The following CNTN6 variants were observed in gnomAD, a reference collection of about 807,000 sequenced individuals.
CNTN6 encodes the protein contactin 6.
Under a neutral mutation model 122.8 loss-of-function variants are expected in CNTN6, and 137 were observed. The ratio of observed to expected loss-of-function variants is 1.12; its 90% CI spans 0.97 to 1.29. The LOEUF (loss-of-function observed/expected upper bound fraction) is 1.29, where lower values mean the gene tolerates loss of function less well. Among genes scored for constraint, CNTN6 ranks in the 50% most tolerant of loss-of-function variants. The pLI is 0.00. For synonymous variants in CNTN6, 570 were observed against 426.0 expected, an observed-to-expected ratio of 1.34 and a Z score of -4.16; for missense variants, 1,634 against 1,223.4, an observed-to-expected ratio of 1.34 and a Z score of -5.01.
chr3:1,390,164 A>C (rs1693892896), intron 20 of CNTN6, among the ~76,000 whole-genome samples: 1 of 151,856 alleles, frequency 6.6e-6, no homozygotes, highest in South Asian at 2.1e-4. Context: ...TTGGAAGTAA[A>C]GCTCTCCTCA....
At chr3:1,171,113 A>G (rs1320993143) in intron 2 of CNTN6, among the ~76,000 whole-genome samples, 1 of 152,196 alleles carries the variant, frequency 6.6e-6, no homozygotes, top group African/African-American at 2.4e-5. Context: ...TAAGACTCCA[A>G]CACTGGGAAA....
At chr3:1,338,974 A>G (rs1468695785) in intron 11 of CNTN6, among the ~76,000 whole-genome samples, 4 of 152,120 alleles carry the variant, frequency 2.6e-5, no homozygotes, top group African/African-American at 9.7e-5. Context: ...GTCTATGACA[A>G]TCCAGTAGAA....
chr3:1,378,017 T>G (rs1204522799), intron 17 of CNTN6, among the ~76,000 whole-genome samples: 2 of 152,120 alleles, frequency 1.3e-5, no homozygotes, highest in South Asian at 2.1e-4. Flanking sequence ...CAGACCCAAC[T>G]GGCTGCTGAA....
At position 1,176,309 on chromosome 3, in the gene CNTN6, C is replaced by T. The variant is rs568091203; in HGVS notation, c.55+28246C>T. Among the ~76,000 whole-genome samples the T allele has an allele frequency of 9.2e-5, 14 of 152,192 alleles. No homozygotes were observed. In the South Asian group the frequency reaches 2.5e-3, roughly 27 times the overall value. ...GTGAATGCCTGTAATCCCAGCTACT[C>T]GGGAGGCTGAGGCACGAGAATCACT... On this transcript the variant is annotated intron_variant, in intron 2 of 22. Coordinates refer to ENST00000446702, the MANE Select transcript of CNTN6 (RefSeq NM_001289080.2).
intron 7 of CNTN6, among the ~76,000 whole-genome samples, chr3:1,298,705 T>C (rs1266347760): frequency 2.6e-5 from 4 of 152,154 alleles, no homozygotes; most frequent in African/African-American, 9.6e-5. Flanking sequence ...CAAATGTTAA[T>C]ATGCATGTGA....
At chr3:1,100,577 A>C (rs540479417) in intron 1 of CNTN6, among the ~76,000 whole-genome samples, 2 of 152,210 alleles carry the variant, frequency 1.3e-5, no homozygotes, top group Admixed American at 1.3e-4. Flanking sequence ...ATATATTTCA[A>C]TCTTGCGTCT....
At chr3:1,166,538 A>C (rs950017560) in intron 2 of CNTN6, among the ~76,000 whole-genome samples, 7 of 152,198 alleles carry the variant, frequency 4.6e-5, no homozygotes, top group African/African-American at 1.7e-4. Flanking sequence ...AATTGTTTTA[A>C]AGGAATCAAA....
chr3:1,246,923 A>G (rs760216464), intron 4 of CNTN6, among the ~76,000 whole-genome samples: 3 of 152,072 alleles, frequency 2.0e-5, no homozygotes, highest in East Asian at 1.9e-4. Context: ...GAAGAGCACA[A>G]TGTTGCTTTT....
intron 6 of CNTN6, among the ~76,000 whole-genome samples, chr3:1,297,623 T>G (rs1696473241): frequency 6.8e-6 from 1 of 147,376 alleles, no homozygotes. Context: ...AACATCCCGT[T>G]GTTGTTGTTT....
Position 1,383,378 on chromosome 3 carries a change from T to C in CNTN6, c.2487T>C (p.Asn829=). The C allele has an allele frequency of 6.2e-7, 1 of 1,613,946 alleles. No homozygotes were observed. The highest frequency in any genetic ancestry group is 1.1e-5 in the South Asian group (1 of 91,080). ...MEVSWNAIAW[N]RNTGRVLGYE... ...TTTCATGGAATGCTATTGCCTGGAATAGAAACACTGGAAGAGTGCTGGGCT... is the reference window on the plus strand; with the variant it reads ...TTTCATGGAATGCTATTGCCTGGAACAGAAACACTGGAAGAGTGCTGGGCT... The change falls in exon 19 of 23, where the codon AAT becomes AAC. Residue 829 remains asparagine (N), a synonymous_variant. Coordinates refer to ENST00000446702, the MANE Select transcript of CNTN6 (RefSeq NM_001289080.2).
rs748861072 is a variant in CNTN6 at position 1,377,028 on chromosome 3, A to C, written c.2119A>C (p.Ile707Leu). The C allele has an allele frequency of 3.7e-6, 6 of 1,607,440 alleles. No individual in the cohort carries two copies. The highest frequency in any genetic ancestry group is 5.1e-6 in the Non-Finnish European group (6 of 1,176,614). ...AGTCCCTGTTGTGGCACCAGTAAACATCCATGGAGGTGGAGGAAGTCGGTC... is the reference window on the plus strand; with the variant it reads ...AGTCCCTGTTGTGGCACCAGTAAACCTCCATGGAGGTGGAGGAAGTCGGTC... ...ASVPVVAPVNIHGGGGSRSEL... is the reference protein window; with the variant it reads ...ASVPVVAPVNLHGGGGSRSEL... The change falls in exon 17 of 23, where the codon ATC becomes CTC. Residue 707 changes from isoleucine (I) to leucine (L), a missense_variant. Coordinates refer to ENST00000446702, the MANE Select transcript of CNTN6 (RefSeq NM_001289080.2).
intron 2 of CNTN6, among the ~76,000 whole-genome samples, chr3:1,209,298 T>A (rs1174898966): frequency 2.0e-5 from 3 of 152,224 alleles, no homozygotes; most frequent in Non-Finnish European, 4.4e-5. Context: ...ATAACCAGAA[T>A]GATTCCATTA....
intron 20 of CNTN6, among the ~76,000 whole-genome samples, chr3:1,388,650 A>G (rs1396996408): frequency 1.4e-5 from 2 of 146,436 alleles, no homozygotes; most frequent in East Asian, 4.1e-4. Flanking sequence ...AAGGCAAAGA[A>G]GTTGAAAACT....
chr3:1,314,398 G>C (rs1699812990), intron 7 of CNTN6, among the ~76,000 whole-genome samples: 1 of 152,022 alleles, frequency 6.6e-6, no homozygotes, highest in Non-Finnish European at 1.5e-5. Context: ...AGCATCTTAA[G>C]AAACTCATTC....
At chr3:1,147,745 A>G (rs1575019201) in intron 1 of CNTN6, among the ~76,000 whole-genome samples, 182 bp from the exon 2 acceptor site, 1 of 152,128 alleles carries the variant, frequency 6.6e-6, no homozygotes, top group South Asian at 2.1e-4. Flanking sequence ...AAATTAAGAA[A>G]ATATGAGCTG....
At chr3:1,299,872 T>C (rs958818829) in intron 7 of CNTN6, among the ~76,000 whole-genome samples, 6 of 152,346 alleles carry the variant, frequency 3.9e-5, no homozygotes, top group African/African-American at 1.4e-4. Context: ...CCACCTTGTA[T>C]GTTTGTTGTG....
Position 1,161,440 on chromosome 3 carries a change from G to A in CNTN6, c.55+13377G>A, listed in dbSNP as rs567473388. On this transcript the variant is annotated intron_variant, in intron 2 of 22. Transcript: ENST00000446702. ...GAAAATCAATTGACTTATGGAATTT[G>A]TAATTAATTATGATATTATATATTT... is the stretch of plus-strand genomic sequence containing the variant. Among the ~76,000 whole-genome samples the A allele has an allele frequency of 1.8e-3, 276 of 150,960 alleles. 1 individual carries two copies. Among genetic ancestry groups the A allele is most frequent in the African/African-American group, 6.0e-3 (246 of 41,334 alleles).
chr3:1,292,272 T>C (rs1003343260), intron 5 of CNTN6, among the ~76,000 whole-genome samples: 2 of 152,186 alleles, frequency 1.3e-5, no homozygotes, highest in African/African-American at 4.8e-5. Context: ...AGCTCTTCAA[T>C]GTAAACAGAC....
intron 4 of CNTN6, among the ~76,000 whole-genome samples, chr3:1,261,088 T>C (rs1264406477): frequency 1.3e-5 from 2 of 152,170 alleles, no homozygotes; most frequent in Non-Finnish European, 2.9e-5. Context: ...CAGTGGAAAC[T>C]AACCAGTCTT....
Sources: allele counts gnomAD v4.1 joint callset (sites outside exome capture counted in the v4.1 genomes callset), GRCh38; gene constraint gnomAD v4.1.1; transcripts MANE v1.5; gene names NCBI Gene and HGNC (gene_info 2026-07-23, HGNC 2026-07-21).